The following MDGA2 variants were observed in gnomAD, a reference collection of about 807,000 sequenced individuals.
MDGA2 encodes MAM domain containing glycosylphosphatidylinositol anchor 2.
MDGA2 carries 40 observed loss-of-function variants against 117.8 expected under a neutral mutation model. The observed-to-expected ratio is 0.34, with a 90% CI of 0.26 to 0.44. The LOEUF is 0.44. Ranked by LOEUF, MDGA2 falls within the 20% of genes least tolerant of loss-of-function variation. The probability of loss-of-function intolerance (pLI) is 1.00; values close to 1 mark genes in which losing one functional copy is unlikely to be tolerated. For synonymous variants in MDGA2, 452 were observed against 439.0 expected (o/e 1.03, Z -0.37); for missense variants, 1,123 against 1,250.6 (o/e 0.90, Z 1.54).
intron 10 of MDGA2, among the ~76,000 whole-genome samples, chr14:46,910,127 G>A (rs945571499): frequency 6.6e-6 from 1 of 151,720 alleles, no homozygotes; most frequent in African/African-American, 2.4e-5. Context: ...ATAGAAATGA[G>A]ACAAATATTT....
At chr14:46,849,774 TATTTCCATC>T (rs1375873936) in intron 15 of MDGA2, among the ~76,000 whole-genome samples, 1 of 152,030 alleles carries the variant, frequency 6.6e-6, no homozygotes, top group Admixed American at 6.6e-5. Context: ...GTCATATTTT[TATTTCCATC>T]ATTTCCATCA....
chr14:46,965,679 T>C (rs1342373603), intron 8 of MDGA2, among the ~76,000 whole-genome samples: 1 of 152,186 alleles, frequency 6.6e-6, no homozygotes, highest in Non-Finnish European at 1.5e-5. Flanking sequence ...ATTTCATTCT[T>C]TGGAATATCC....
intron 3 of MDGA2, among the ~76,000 whole-genome samples, chr14:47,163,624 C>T (rs150016599): frequency 4.6e-5 from 7 of 152,294 alleles, no homozygotes; most frequent in Admixed American, 1.3e-4. Flanking sequence ...AAACCTCCGT[C>T]TTTTGTAAAT....
At position 46,842,153 on chromosome 14, in the gene MDGA2, G is replaced by C. The variant is rs1434772142; in HGVS notation, c.2990-134C>G. The C allele has an allele frequency of 1.7e-5, 10 of 604,422 alleles. No homozygotes were observed. The East Asian group carries it at 2.9e-4, about 18-fold the overall frequency. The allele number at this position is 604,422 out of a possible 1,614,324, so 37.4% of individuals were successfully genotyped here. A position where few individuals can be genotyped will look rare whatever the true frequency, so the allele number is the denominator to read the frequency against. ...TCTGGAAAATATTTATTTTTATTTT[G>C]TTTTATTTATCAGCTTCATTGCTAA... On this transcript the variant is annotated intron_variant, in intron 16 of 16. Coordinates refer to ENST00000399232, the MANE Select transcript of MDGA2 (RefSeq NM_001113498.3).
At chr14:47,378,779 T>C (rs1017984897) in intron 1 of MDGA2, among the ~76,000 whole-genome samples, 1 of 152,166 alleles carries the variant, frequency 6.6e-6, no homozygotes, top group Admixed American at 6.6e-5. Context: ...TGGAACCAAG[T>C]TGGAAAACAC....
intron 1 of MDGA2, among the ~76,000 whole-genome samples, chr14:47,424,083 G>GATTATAGGC (rs1284479602): frequency 1.3e-5 from 2 of 152,084 alleles, no homozygotes; most frequent in African/African-American, 4.8e-5. Context: ...AAAGTGCTAG[G>GATTATAGGC]ATTATAGGCA....
chr14:47,000,347 A>G (rs1260213594), intron 8 of MDGA2, among the ~76,000 whole-genome samples: 1 of 93,740 alleles, frequency 1.1e-5, no homozygotes, highest in Non-Finnish European at 2.4e-5. Context: ...ATATATATAT[A>G]TACACACACA....
chr14:47,402,781 AACACACAC>A (rs374721868), intron 1 of MDGA2, among the ~76,000 whole-genome samples: 204 of 151,862 alleles, frequency 1.3e-3, no homozygotes, highest in African/African-American at 4.8e-3. Flanking sequence ...GGAACACACA[AACACACAC>A]ACACACATTA....
At chr14:47,170,685 C>G (rs891230536) in intron 3 of MDGA2, among the ~76,000 whole-genome samples, 1 of 152,088 alleles carries the variant, frequency 6.6e-6, no homozygotes, top group Middle Eastern at 3.4e-3. Context: ...TTATACAAAA[C>G]AATTAGATAC....
chr14:47,065,234 T>C (rs552451843), intron 6 of MDGA2, among the ~76,000 whole-genome samples: 3 of 152,276 alleles, frequency 2.0e-5, no homozygotes, highest in African/African-American at 7.2e-5. Flanking sequence ...GAATACAGGC[T>C]TGGCCTATAT....
chr14:46,876,052 C>CA, intron 12 of MDGA2, among the ~76,000 whole-genome samples: 1 of 151,492 alleles, frequency 6.6e-6, no homozygotes, highest in South Asian at 2.1e-4. Flanking sequence ...ATGAAAACTA[C>CA]AAAAAATGTC....
intron 5 of MDGA2, among the ~76,000 whole-genome samples, chr14:47,108,883 TA>T (rs1242089818): frequency 6.6e-6 from 1 of 152,224 alleles, no homozygotes; most frequent in Non-Finnish European, 1.5e-5. Flanking sequence ...GTATAAGCTA[TA>T]CCAATAGTTG....
At chr14:47,257,824 T>C (rs1247271590) in intron 2 of MDGA2, among the ~76,000 whole-genome samples, 2 of 152,272 alleles carry the variant, frequency 1.3e-5, no homozygotes, top group South Asian at 4.1e-4. Context: ...TTTGTAGCAC[T>C]GGTCTCCACA....
At chr14:47,235,617 AG>A (rs1886833245) in intron 2 of MDGA2, among the ~76,000 whole-genome samples, 1 of 152,218 alleles carries the variant, frequency 6.6e-6, no homozygotes, top group Non-Finnish European at 1.5e-5. Flanking sequence ...AGATGAGAGA[AG>A]AAAAGGGGAT....
At chr14:47,051,157 A>G (rs573900719) in intron 7 of MDGA2, among the ~76,000 whole-genome samples, 5 of 152,098 alleles carry the variant, frequency 3.3e-5, no homozygotes, top group Admixed American at 3.3e-4. Flanking sequence ...TTGAAATCTG[A>G]GATTTCAAGG....
intron 3 of MDGA2, among the ~76,000 whole-genome samples, chr14:47,214,410 C>A (rs184131564): frequency 4.3e-4 from 65 of 152,074 alleles, no homozygotes; most frequent in Admixed American, 9.2e-4. Flanking sequence ...TTTTACAATT[C>A]TTAAATGATA....
intron 2 of MDGA2, among the ~76,000 whole-genome samples, chr14:47,281,259 A>T (rs895784550): frequency 1.3e-5 from 2 of 151,872 alleles, no homozygotes; most frequent in African/African-American, 4.8e-5. Context: ...ATGACCATTA[A>T]GTATCTTAAT....
chr14:47,189,317 G>A (rs1478960514), intron 3 of MDGA2, among the ~76,000 whole-genome samples: 1 of 152,064 alleles, frequency 6.6e-6, no homozygotes, highest in Non-Finnish European at 1.5e-5. Flanking sequence ...ACATGATACA[G>A]GGACAATTTA....
chr14:47,191,386 A>G (rs1885107213), intron 3 of MDGA2, among the ~76,000 whole-genome samples: 2 of 148,810 alleles, frequency 1.3e-5, no homozygotes, highest in Non-Finnish European at 1.5e-5. Context: ...TTCTGAATGT[A>G]TACATTTAGG....
Sources: allele counts gnomAD v4.1 joint callset (sites outside exome capture counted in the v4.1 genomes callset), GRCh38; gene constraint gnomAD v4.1.1; transcripts MANE v1.5; gene names NCBI Gene and HGNC (gene_info 2026-07-23, HGNC 2026-07-21).